Variants in WNT2 observed in about 807,000 individuals in gnomAD.
WNT2 encodes Wnt family member 2.
A neutral mutation model predicts 36.9 loss-of-function variants in WNT2; 12 were observed. That is an observed-to-expected ratio of 0.33 (90% CI 0.21 to 0.53). The LOEUF is 0.53. Among genes scored for constraint, WNT2 ranks in the 20% least tolerant of loss-of-function variants. The pLI, the probability that WNT2 is intolerant of heterozygous loss-of-function variation, is 0.95. For missense variants in WNT2, 379 were observed against 473.1 expected (o/e 0.80, Z 1.84); for synonymous variants, 163 against 174.6 (o/e 0.93, Z 0.52).
intron 4 of WNT2, among the ~76,000 whole-genome samples, chr7:117,287,620 T>G (rs1794609672): frequency 6.6e-6 from 1 of 151,648 alleles, no homozygotes; most frequent in South Asian, 2.1e-4. Flanking sequence ...CTTCTTATGC[T>G]TTCTTCTATA....
chr7:117,281,356 G>C (rs575580542), intron 4 of WNT2, among the ~76,000 whole-genome samples: 1 of 152,126 alleles, frequency 6.6e-6, no homozygotes, highest in African/African-American at 2.4e-5. Flanking sequence ...TCCCATCTCA[G>C]CCTCTCAAGT....
chr7:117,283,774 C>T lies in WNT2; in HGVS notation c.854-5390G>A, dbSNP rs531179646. Among the ~76,000 whole-genome samples the T allele has an allele frequency of 4.6e-5, 7 of 152,306 alleles. No individual in the cohort carries two copies. The South Asian group carries it at 1.2e-3, about 27-fold the overall frequency. On this transcript the variant is annotated intron_variant, in intron 4 of 4. Transcript: ENST00000265441. ...GAACAAAGCCTCTGGCAATATGTCT[C>T]AGTAGTTCAATGTTCAGTTATAAAA... is the stretch of plus-strand genomic sequence containing the variant.
chr7:117,283,968 C>G, intron 4 of WNT2, among the ~76,000 whole-genome samples: 1 of 152,168 alleles, frequency 6.6e-6, no homozygotes, highest in South Asian at 2.1e-4. Flanking sequence ...CATGAGGCAT[C>G]GGGGCACCAA....
chr7:117,280,008 C>T (rs1057010957), intron 4 of WNT2, among the ~76,000 whole-genome samples: 5 of 151,952 alleles, frequency 3.3e-5, no homozygotes, highest in Admixed American at 2.0e-4. Flanking sequence ...CCTGCCTGTT[C>T]GGGATGACCA....
At chr7:117,278,698 G>A (rs1794426884) in intron 4 of WNT2, among the ~76,000 whole-genome samples, 1 of 152,330 alleles carries the variant, frequency 6.6e-6, no homozygotes, top group South Asian at 2.1e-4. Context: ...TCCTTACCCA[G>A]CCTTGAATTT....
At chr7:117,315,008 C>G in intron 3 of WNT2, 63 bp downstream of exon 3, 2 of 1,571,830 alleles carry the variant, frequency 1.3e-6, no homozygotes, top group Non-Finnish European at 1.7e-6. Context: ...TTAAGATAAG[C>G]TCTGCCTAAG....
Position 117,275,468 on chromosome 7 carries a change from C to T in WNT2, c.*2687G>A, listed in dbSNP as rs905729677. On this transcript the variant is annotated 3_prime_UTR_variant, in exon 5 of 5. Transcript: ENST00000265441. Reference sequence around the variant, plus strand: ...ACTAGTTTATGTCCTATTGTGGAAACTTTTTCAGATATTGTAGAAAATTAA... The same window carrying T: ...ACTAGTTTATGTCCTATTGTGGAAATTTTTTCAGATATTGTAGAAAATTAA... Among the ~76,000 whole-genome samples the T allele has an allele frequency of 1.2e-4, 18 of 152,116 alleles. No individual in the cohort carries two copies. The highest frequency in any genetic ancestry group is 4.3e-4 in the African/African-American group (18 of 41,432).
In WNT2 at chr7:117,282,400, GAGGAGGAGGAAGACA is replaced by G. The variant is rs544655032; in HGVS notation, c.854-4031_854-4017del. Among the ~76,000 whole-genome samples, 277 of 125,530 alleles carry G rather than the reference GAGGAGGAGGAAGACA, an allele frequency of 2.2e-3. 3 individuals carry two copies. Among genetic ancestry groups the G allele is most frequent in the East Asian group, 0.02 (95 of 4,794 alleles). 82.4% of individuals were successfully genotyped at this position (125,530 alleles called of 152,430 possible). On this transcript the variant is annotated intron_variant, in intron 4 of 4. Transcript: ENST00000265441. Reference sequence around the variant, plus strand: ...GGAAGAGGAAGAAGGGAAAGAGGAAGAGGAGGAGGAAGACAAGGAGGAGGAAGAGAAGAGGAAGAG... The same window carrying G: ...GGAAGAGGAAGAAGGGAAAGAGGAAGAGGAGGAGGAAGAGAAGAGGAAGAG...
intron 2 of WNT2, among the ~76,000 whole-genome samples, chr7:117,320,255 C>T (rs146131234): frequency 6.2e-4 from 95 of 152,314 alleles, no homozygotes; most frequent in Middle Eastern, 3.4e-3. Flanking sequence ...CTTGTGGCTC[C>T]TCCCTCTCGT....
chr7:117,316,554 C>T (rs748309409), intron 2 of WNT2, among the ~76,000 whole-genome samples: 1 of 152,196 alleles, frequency 6.6e-6, no homozygotes, highest in Non-Finnish European at 1.5e-5. Flanking sequence ...ACCACCTTTT[C>T]ACATTGAAGC....
At chr7:117,315,597 A>C (rs151151806) in intron 2 of WNT2, among the ~76,000 whole-genome samples, 1 of 152,302 alleles carries the variant, frequency 6.6e-6, no homozygotes, top group African/African-American at 2.4e-5. Context: ...AGCAGTATCA[A>C]AGAAAAAGAT....
chr7:117,295,995 G>A (rs1036014390), intron 4 of WNT2, among the ~76,000 whole-genome samples: 6 of 152,182 alleles, frequency 3.9e-5, no homozygotes, highest in African/African-American at 1.4e-4. Flanking sequence ...GATAAAATAA[G>A]ACCATGTGTG....
At position 117,278,326 on chromosome 7, in the gene WNT2, A is replaced by G. The variant is rs200982526; in HGVS notation, c.912T>C (p.Cys304=). Residue 304 remains cysteine (C), a synonymous_variant, in exon 5 of 5, where the codon TGT becomes TGC. Transcript: ENST00000265441. ...CNLTSRGMDS[C]EVMCCGRGYD... ...AGCCTCTCCCACAGCACATGACTTC[A>G]CAGCTGTCCATGCCCCGGGAAGTCA... The G allele has an allele frequency of 2.5e-6, 4 of 1,614,176 alleles. No individual in the cohort carries two copies. Among genetic ancestry groups the G allele is most frequent in the Non-Finnish European group, 3.4e-6 (4 of 1,180,042 alleles).
intron 3 of WNT2, among the ~76,000 whole-genome samples, chr7:117,309,478 G>C (rs1795081565): frequency 6.6e-6 from 1 of 152,134 alleles, no homozygotes; most frequent in Non-Finnish European, 1.5e-5. Flanking sequence ...GCCAAGTTAA[G>C]TTTGAATTTC....
rs1795356396 is a variant in WNT2, at chr7:117,322,891, G to A, written c.83+16C>T. ...CCGATCTCCAAAATCCCCCGCGCCCGTGCGCGTGGACTTACCACCATGAAG... is the reference window on the plus strand; with the variant it reads ...CCGATCTCCAAAATCCCCCGCGCCCATGCGCGTGGACTTACCACCATGAAG... On this transcript the variant is annotated intron_variant, in intron 1 of 4. Transcript: ENST00000265441. The surrounding 1 kb of genome is among the most constrained non-coding windows in gnomAD (Gnocchi z 5.4). 1 of 1,612,270 alleles carries A rather than the reference G, an allele frequency of 6.2e-7. No homozygotes were observed. The highest frequency in any genetic ancestry group is 1.3e-5 in the African/African-American group (1 of 74,622).
chr7:117,292,706 T>C (rs1054539472), intron 4 of WNT2, among the ~76,000 whole-genome samples: 1 of 152,182 alleles, frequency 6.6e-6, no homozygotes, highest in African/African-American at 2.4e-5. Flanking sequence ...ATTTTGTTTA[T>C]TTGCAGTCAA....
At chr7:117,286,287 CT>C (rs751878168) in intron 4 of WNT2, among the ~76,000 whole-genome samples, 5 of 152,146 alleles carry the variant, frequency 3.3e-5, no homozygotes, top group African/African-American at 4.8e-5. Flanking sequence ...AAAAACATTT[CT>C]GTCTCCACTA....
In WNT2 at chr7:117,276,279, C is replaced by T. The variant is rs892001936; in HGVS notation, c.*1876G>A. Among the ~76,000 whole-genome samples, 16 of 152,200 alleles carry T rather than the reference C, an allele frequency of 1.1e-4. No homozygotes were observed. The highest frequency in any genetic ancestry group is 2.2e-4 in the Non-Finnish European group (15 of 68,048). Reference sequence around the variant, plus strand: ...GGAGGAAGGGCTGATGGCTGTGGGACCCCCATGAAAGTGCCTTCGCACTCT... The same window carrying T: ...GGAGGAAGGGCTGATGGCTGTGGGATCCCCATGAAAGTGCCTTCGCACTCT... On this transcript the variant is annotated 3_prime_UTR_variant, in exon 5 of 5. Coordinates refer to ENST00000265441, the MANE Select transcript of WNT2 (RefSeq NM_003391.3).
chr7:117,310,107 A>G (rs949204674), intron 3 of WNT2, among the ~76,000 whole-genome samples: 1 of 152,146 alleles, frequency 6.6e-6, no homozygotes, highest in Non-Finnish European at 1.5e-5. Context: ...ACTCAAGCAT[A>G]TTACAGAAGG....
Sources: allele counts gnomAD v4.1 joint callset (sites outside exome capture counted in the v4.1 genomes callset), GRCh38; gene constraint gnomAD v4.1.1; non-coding constraint Gnocchi (gnomAD v3.1); transcripts MANE v1.5; gene names NCBI Gene and HGNC (gene_info 2026-07-23, HGNC 2026-07-21).